UBE2E2: variants seen among roughly 807,000 people sequenced by gnomAD.
UBE2E2 encodes ubiquitin conjugating enzyme E2 E2.
Under a neutral mutation model 24.7 loss-of-function variants are expected in UBE2E2, and 6 were observed. That is an observed-to-expected ratio of 0.24 (90% confidence interval 0.13 to 0.48). UBE2E2 has a LOEUF of 0.48. Among genes scored for constraint, UBE2E2 ranks in the 20% least tolerant of loss-of-function variants. The probability of loss-of-function intolerance (pLI) is 0.99; values close to 1 mark genes in which losing one functional copy is unlikely to be tolerated. For missense variants in UBE2E2, 169 were observed against 245.0 expected (o/e 0.69, Z 2.07); for synonymous variants, 104 against 83.6 (o/e 1.24, Z -1.33).
chr3:23,471,048 A>C (rs914394137), intron 3 of UBE2E2, among the ~76,000 whole-genome samples: 1 of 152,212 alleles, frequency 6.6e-6, no homozygotes, highest in Non-Finnish European at 1.5e-5. Context: ...GGGGTAAAGA[A>C]AGAAAAACAG....
Position 23,396,528 on chromosome 3 carries a change from G to A in UBE2E2, c.228-103080G>A, listed in dbSNP as rs913201255. Among the ~76,000 whole-genome samples, 10 of 151,708 alleles carry A rather than the reference G, an allele frequency of 6.6e-5. No homozygotes were observed. The South Asian group carries it at 1.2e-3, about 19-fold the overall frequency. ...AAACAGGCTTTACTAAACCCCCTGA[G>A]GTCTCATGACACAGTAGAAAATCAT... On this transcript the variant is annotated intron_variant, in intron 3 of 5. Transcript: ENST00000396703.
At chr3:23,389,625 G>T in intron 3 of UBE2E2, 1 of 265,656 alleles carries the variant, frequency 3.8e-6, no homozygotes. Flanking sequence ...ATCCTGGGGG[G>T]CTTTTGTCTT....
rs112908558 is a variant in UBE2E2, at chr3:23,447,331, T to C, written c.228-52277T>C. The stretch of plus-strand genomic sequence containing the variant: ...GAAAGAAAAGCATTTTGTCCCAACA[T>C]CAGGAGCCCTGTTATTGTATCTCAT... On this transcript the variant is annotated intron_variant, in intron 3 of 5. Coordinates refer to ENST00000396703, the MANE Select transcript of UBE2E2 (RefSeq NM_152653.4). 2.5e-3 allele frequency among the ~76,000 whole-genome samples: 374 copies of C among 152,324 alleles called. 3 individuals are homozygous for C. Among genetic ancestry groups the C allele is most frequent in the African/African-American group, 8.6e-3 (358 of 41,578 alleles).
At chr3:23,440,371 G>A (rs773311943) in intron 3 of UBE2E2, among the ~76,000 whole-genome samples, 1 of 152,202 alleles carries the variant, frequency 6.6e-6, no homozygotes, top group Non-Finnish European at 1.5e-5. Flanking sequence ...TCCTCCCAAA[G>A]TGCTGAGATT....
intron 3 of UBE2E2, among the ~76,000 whole-genome samples, chr3:23,472,149 A>T (rs938898670): frequency 6.6e-6 from 1 of 152,168 alleles, no homozygotes; most frequent in African/African-American, 2.4e-5. Flanking sequence ...AAGACTCAGA[A>T]ATTAGGTGAT....
At chr3:23,423,889 A>G (rs932069678) in intron 3 of UBE2E2, among the ~76,000 whole-genome samples, 2 of 152,096 alleles carry the variant, frequency 1.3e-5, no homozygotes, top group Non-Finnish European at 2.9e-5. Flanking sequence ...AGTACTGAAA[A>G]CTGTATCTCT....
chr3:23,231,738 A>G (rs1009547613), intron 3 of UBE2E2, among the ~76,000 whole-genome samples: 1 of 152,188 alleles, frequency 6.6e-6, no homozygotes, highest in Admixed American at 6.5e-5. Flanking sequence ...GGTTCTTGCA[A>G]ACCCCATCTT....
At chr3:23,479,178 G>C (rs1575656784) in intron 3 of UBE2E2, among the ~76,000 whole-genome samples, 1 of 152,296 alleles carries the variant, frequency 6.6e-6, no homozygotes, top group African/African-American at 2.4e-5. Flanking sequence ...CATGCTACCA[G>C]CCTGGATCCC....
intron 3 of UBE2E2, among the ~76,000 whole-genome samples, chr3:23,353,395 G>T (rs1357794264): frequency 6.6e-6 from 1 of 152,042 alleles, no homozygotes; most frequent in Non-Finnish European, 1.5e-5. Context: ...GGGCAGTTAG[G>T]CAGGAGAAGG....
intron 3 of UBE2E2, among the ~76,000 whole-genome samples, chr3:23,307,204 G>C (rs1699260687): frequency 6.6e-6 from 1 of 151,950 alleles, no homozygotes; most frequent in Non-Finnish European, 1.5e-5. Context: ...AATATATACT[G>C]TTGCAGTTTC....
chr3:23,420,034 T>C (rs1261054631), intron 3 of UBE2E2, among the ~76,000 whole-genome samples: 1 of 152,198 alleles, frequency 6.6e-6, no homozygotes, highest in African/African-American at 2.4e-5. Flanking sequence ...ACAATATATA[T>C]TTAGGCGTTT....
chr3:23,514,390 T>C (rs1339931820), intron 4 of UBE2E2, among the ~76,000 whole-genome samples: 1 of 152,234 alleles, frequency 6.6e-6, no homozygotes, highest in Non-Finnish European at 1.5e-5. Context: ...ATTTAGCCTG[T>C]GTATCCTTAA....
chr3:23,263,232 A>G (rs753283380), intron 3 of UBE2E2, among the ~76,000 whole-genome samples: 1 of 152,202 alleles, frequency 6.6e-6, no homozygotes. Flanking sequence ...TAAGCAAAGA[A>G]CCATAGGTTT....
At chr3:23,241,819 G>A (rs1375819577) in intron 3 of UBE2E2, among the ~76,000 whole-genome samples, 1 of 152,076 alleles carries the variant, frequency 6.6e-6, no homozygotes, top group East Asian at 1.9e-4. Context: ...GCACTTCATT[G>A]ATATTTATTG....
intron 3 of UBE2E2, among the ~76,000 whole-genome samples, chr3:23,230,219 A>G (rs1413951584): frequency 2.0e-5 from 3 of 152,222 alleles, no homozygotes; most frequent in Admixed American, 6.5e-5. Flanking sequence ...AATGAAAGCA[A>G]TATTGCAAAT....
chr3:23,539,613 A>G, intron 5 of UBE2E2, among the ~76,000 whole-genome samples: 1 of 152,208 alleles, frequency 6.6e-6, no homozygotes, highest in East Asian at 1.9e-4. Context: ...TACTTGACCT[A>G]TAAAGTGCTA....
chr3:23,344,461 T>A (rs1695490842), intron 3 of UBE2E2, among the ~76,000 whole-genome samples: 1 of 151,248 alleles, frequency 6.6e-6, no homozygotes, highest in Non-Finnish European at 1.5e-5. Flanking sequence ...GCCTTTGAAT[T>A]TTTTTTTTTC....
At chr3:23,548,569 T>C (rs1001997756) in intron 5 of UBE2E2, among the ~76,000 whole-genome samples, 4 of 152,132 alleles carry the variant, frequency 2.6e-5, no homozygotes, top group African/African-American at 9.7e-5. Context: ...TGCGGTGTAT[T>C]CTTGGTTGTT....
intron 3 of UBE2E2, among the ~76,000 whole-genome samples, chr3:23,387,356 G>T (rs771691057): frequency 6.6e-6 from 1 of 152,106 alleles, no homozygotes; most frequent in Non-Finnish European, 1.5e-5. Flanking sequence ...TTCTATCTCA[G>T]GTAAATCCCC....
Sources: allele counts gnomAD v4.1 joint callset (sites outside exome capture counted in the v4.1 genomes callset), GRCh38; gene constraint gnomAD v4.1.1; transcripts MANE v1.5; gene names NCBI Gene and HGNC (gene_info 2026-07-23, HGNC 2026-07-21).